STRBP: variants seen among roughly 807,000 people sequenced by gnomAD.
The protein encoded by STRBP is spermatid perinuclear RNA binding protein.
In STRBP, 13 loss-of-function variants were observed where a neutral mutation model predicts 80.1. The observed-to-expected ratio is 0.16, with a 90% CI of 0.11 to 0.26. The LOEUF is 0.26. STRBP is among the 10% of genes least tolerant of loss of function. STRBP has a pLI of 1.00. For synonymous variants in STRBP, 284 were observed against 291.2 expected, an observed-to-expected ratio of 0.98 and a Z score of 0.25; for missense variants, 485 against 815.2, an observed-to-expected ratio of 0.59 and a Z score of 4.93.
At chr9:123,181,001 T>G in intron 3 of STRBP, 1 of 893,014 alleles carries the variant, frequency 1.1e-6, no homozygotes, top group South Asian at 5.2e-5. Flanking sequence ...ACATTATTTT[T>G]GGATAACAGT....
rs117267642 is a variant in STRBP, at chr9:123,230,308, C to G, written c.-165+6522G>C. Among the ~76,000 whole-genome samples, 4 of 152,356 alleles carry G rather than the reference C, an allele frequency of 2.6e-5. No individual in the cohort carries two copies. In the East Asian group the frequency reaches 7.7e-4, roughly 29 times the overall value. ...AATAATTCCAGTCTCCGAGCAGCAA[C>G]TGTATTCTTATAATTATCACGTAAC... On this transcript the variant is annotated intron_variant, in intron 2 of 18. Coordinates refer to ENST00000348403, the MANE Select transcript of STRBP (RefSeq NM_018387.5).
intron 3 of STRBP, among the ~76,000 whole-genome samples, chr9:123,181,151 C>A (rs1003407469): frequency 3.3e-5 from 5 of 152,198 alleles, no homozygotes; most frequent in South Asian, 2.1e-4. Flanking sequence ...CAATAAAAAT[C>A]ATCTGTCTAG....
intron 2 of STRBP, among the ~76,000 whole-genome samples, chr9:123,219,807 G>A (rs1042287843): frequency 1.3e-5 from 2 of 152,174 alleles, no homozygotes; most frequent in Admixed American, 1.3e-4. Context: ...TCACAGAGTT[G>A]CTACAAAATT....
intron 1 of STRBP, among the ~76,000 whole-genome samples, chr9:123,243,508 A>T (rs1259375689): frequency 6.6e-6 from 1 of 152,166 alleles, no homozygotes; most frequent in African/African-American, 2.4e-5. Flanking sequence ...GAAAGACACA[A>T]TTAAGAGGAT....
rs1036439613 is a variant in STRBP at position 123,124,239 on chromosome 9, A to G, written c.*1358T>C. 3 of 985,322 alleles carry G rather than the reference A, an allele frequency of 3.0e-6. No homozygotes were observed. In the African/African-American group the frequency reaches 5.2e-5, roughly 17 times the overall value. 61.0% of individuals were successfully genotyped at this position (985,322 alleles called of 1,614,324 possible). ...GGAAAATGAAAGCTAATTCATACTA[A>G]AAACAGACATTTTTAAGACATGGTG... On this transcript the variant is annotated 3_prime_UTR_variant, in exon 19 of 19. Transcript: ENST00000348403.
intron 2 of STRBP, among the ~76,000 whole-genome samples, chr9:123,211,487 T>C (rs1300949274): frequency 6.6e-6 from 1 of 152,162 alleles, no homozygotes; most frequent in Non-Finnish European, 1.5e-5. Flanking sequence ...AATAAGTACC[T>C]ACCTTTTTTT....
At chr9:123,177,161 C>T (rs1300027655) in intron 4 of STRBP, among the ~76,000 whole-genome samples, 1 of 152,164 alleles carries the variant, frequency 6.6e-6, no homozygotes, top group African/African-American at 2.4e-5. Context: ...TCTCATTCTG[C>T]ACTCCTTGAG....
chr9:123,235,361 A>G (rs2040526051), intron 2 of STRBP, among the ~76,000 whole-genome samples: 1 of 151,606 alleles, frequency 6.6e-6, no homozygotes, highest in African/African-American at 2.4e-5. Flanking sequence ...AGAGATACAG[A>G]TAACTGTATC....
At chr9:123,218,411 G>A (rs966033748) in intron 2 of STRBP, among the ~76,000 whole-genome samples, 2 of 132,872 alleles carry the variant, frequency 1.5e-5, no homozygotes, top group South Asian at 2.4e-4. Context: ...CGCCCAGGCC[G>A]GACTGCGGAC....
At chr9:123,116,394 G>A (rs1405060967) in intron 2 of STRBP, among the ~76,000 whole-genome samples, 1 of 152,128 alleles carries the variant, frequency 6.6e-6, no homozygotes, top group Non-Finnish European at 1.5e-5. Flanking sequence ...TTATTATAGG[G>A]TTCAGTTACA....
downstream of STRBP, among the ~76,000 whole-genome samples, chr9:123,117,690 C>G (rs547610709): frequency 3.9e-5 from 6 of 152,348 alleles, no homozygotes; most frequent in Admixed American, 6.5e-5. Flanking sequence ...GCTGCTGCCC[C>G]TCTGTGCTCC....
chr9:123,259,384 C>T (rs1464243341), intron 1 of STRBP, among the ~76,000 whole-genome samples: 1 of 152,170 alleles, frequency 6.6e-6, no homozygotes, highest in African/African-American at 2.4e-5. Flanking sequence ...GTAGCATACA[C>T]AAGCCTGGAG....
intron 6 of STRBP, among the ~76,000 whole-genome samples, chr9:123,162,558 T>A (rs960405526): frequency 3.9e-5 from 6 of 152,170 alleles, no homozygotes; most frequent in African/African-American, 1.2e-4. Context: ...AAAAAAGGCA[T>A]AATGCCAATA....
In STRBP at chr9:123,122,406, G is replaced by A; in HGVS notation, c.*3191C>T. 8.2e-7 allele frequency: 1 copy of A among 1,215,564 alleles called. No homozygotes were observed. The highest frequency in any genetic ancestry group is 1.0e-6 in the Non-Finnish European group (1 of 955,116). 75.3% of individuals were successfully genotyped at this position (1,215,564 alleles called of 1,614,324 possible). A position where few individuals can be genotyped will look rare whatever the true frequency, so the allele number is the denominator to read the frequency against. On this transcript the variant is annotated 3_prime_UTR_variant, in exon 19 of 19. Coordinates refer to ENST00000348403, the MANE Select transcript of STRBP (RefSeq NM_018387.5). ...CCCAGCTCTTCAATTAATAATGGTG[G>A]CTGATTCATGATTTTCAAACATTCA...
At chr9:123,225,612 ACAGCAGCTT>A (rs2132565065) in intron 2 of STRBP, among the ~76,000 whole-genome samples, 1 of 152,324 alleles carries the variant, frequency 6.6e-6, no homozygotes, top group East Asian at 1.9e-4. Flanking sequence ...AGCAGCAAGC[ACAGCAGCTT>A]CATCCAGTTT....
At position 123,122,338 on chromosome 9, in the gene STRBP, A is replaced by T; in HGVS notation, c.*3259T>A. The T allele has an allele frequency of 1.6e-6, 2 of 1,289,114 alleles. No homozygotes were observed. The highest frequency in any genetic ancestry group is 2.0e-6 in the Non-Finnish European group (2 of 988,754). 79.9% of individuals were successfully genotyped at this position (1,289,114 alleles called of 1,614,324 possible). A position where few individuals can be genotyped will look rare whatever the true frequency, so the allele number is the denominator to read the frequency against. The stretch of plus-strand genomic sequence containing the variant: ...TTAAAAGTATTAACCTGAAATACAC[A>T]GAGGGTCCAACACCAGTTTTAAAAA... On this transcript the variant is annotated 3_prime_UTR_variant, in exon 19 of 19. Coordinates refer to ENST00000348403, the MANE Select transcript of STRBP (RefSeq NM_018387.5).
At chr9:123,149,412 T>C (rs1588487520) in intron 11 of STRBP, among the ~76,000 whole-genome samples, 1 of 152,260 alleles carries the variant, frequency 6.6e-6, no homozygotes, top group Non-Finnish European at 1.5e-5. Flanking sequence ...TCAATCACTC[T>C]TCTGCTCATT....
intron 1 of STRBP, among the ~76,000 whole-genome samples, chr9:123,246,105 T>C (rs982139933): frequency 2.6e-5 from 4 of 152,220 alleles, no homozygotes; most frequent in Non-Finnish European, 4.4e-5. Context: ...AAGGTTACAA[T>C]ATTCCATTTT....
intron 1 of STRBP, among the ~76,000 whole-genome samples, chr9:123,245,239 C>A (rs1177940978): frequency 6.6e-6 from 1 of 152,184 alleles, no homozygotes; most frequent in Non-Finnish European, 1.5e-5. Flanking sequence ...CTTGAGTGGG[C>A]TAACAAATTT....
Sources: allele counts gnomAD v4.1 joint callset (sites outside exome capture counted in the v4.1 genomes callset), GRCh38; gene constraint gnomAD v4.1.1; transcripts MANE v1.5; gene names NCBI Gene and HGNC (gene_info 2026-07-23, HGNC 2026-07-21).